CCSER1: variants seen among roughly 807,000 people sequenced by gnomAD.
CCSER1 encodes coiled-coil serine rich protein 1.
A neutral mutation model predicts 82.0 loss-of-function variants in CCSER1; 41 were observed. The ratio of observed to expected loss-of-function variants is 0.50; its 90% CI spans 0.39 to 0.65. The LOEUF (loss-of-function observed/expected upper bound fraction) is 0.65. Ranked by LOEUF, CCSER1 falls within the 30% of genes least tolerant of loss-of-function variation. The probability of loss-of-function intolerance (pLI) is 0.00; values close to 1 mark genes in which losing one functional copy is unlikely to be tolerated. For synonymous variants in CCSER1, 414 were observed against 383.9 expected, an observed-to-expected ratio of 1.08 and a Z score of -0.92; for missense variants, 1,119 against 1,064.2, an observed-to-expected ratio of 1.05 and a Z score of -0.72.
At chr4:91,148,470 C>CTTAT (rs200947996) in intron 10 of CCSER1, among the ~76,000 whole-genome samples, 16,762 of 151,458 alleles carry the variant, frequency 0.11, 1,050 homozygotes, top group East Asian at 0.23. Context: ...ACCAGACATT[C>CTTAT]TTATTTATTT....
At chr4:91,013,395 C>T (rs1739156235) in intron 9 of CCSER1, among the ~76,000 whole-genome samples, 2 of 133,276 alleles carry the variant, frequency 1.5e-5, no homozygotes, top group South Asian at 4.8e-4. Flanking sequence ...AAGTCTATTT[C>T]AACCTTCCCT....
At chr4:91,014,907 A>G (rs1236107051) in intron 9 of CCSER1, among the ~76,000 whole-genome samples, 1 of 85,096 alleles carries the variant, frequency 1.2e-5, no homozygotes, top group Admixed American at 1.1e-4. Flanking sequence ...AGAAACAGAA[A>G]AGTTCAAGTT....
chr4:90,702,052 AG>A (rs1685827015), intron 6 of CCSER1, among the ~76,000 whole-genome samples: 2 of 152,110 alleles, frequency 1.3e-5, no homozygotes. Context: ...GCCTTGTGCC[AG>A]TTTTCAAAGG....
intron 10 of CCSER1, among the ~76,000 whole-genome samples, chr4:91,310,397 T>G (rs887582862): frequency 6.1e-5 from 4 of 65,712 alleles, no homozygotes; most frequent in African/African-American, 1.8e-4. Context: ...CTAAAACCAA[T>G]GCAAAAAAAA....
chr4:91,126,319 C>T (rs141903132), intron 10 of CCSER1, among the ~76,000 whole-genome samples: 2 of 151,910 alleles, frequency 1.3e-5, no homozygotes, highest in East Asian at 3.9e-4. Flanking sequence ...ATAACCTCAA[C>T]AAACAAGGCA....
chr4:91,207,287 G>A (rs990160415), intron 10 of CCSER1, among the ~76,000 whole-genome samples: 12 of 151,766 alleles, frequency 7.9e-5, no homozygotes, highest in African/African-American at 1.7e-4. Flanking sequence ...CTTGGTGTAC[G>A]AATTATTTCA....
intron 8 of CCSER1, among the ~76,000 whole-genome samples, chr4:90,891,119 C>T (rs996813105): frequency 8.6e-5 from 13 of 151,382 alleles, no homozygotes; most frequent in Admixed American, 7.9e-4. Flanking sequence ...AAAATGTAAT[C>T]TATTTTGAGA....
chr4:90,282,671 T>G (rs1355294066), intron 1 of CCSER1, among the ~76,000 whole-genome samples: 11 of 151,954 alleles, frequency 7.2e-5, no homozygotes, highest in African/African-American at 2.7e-4. Context: ...CAGCAGACTT[T>G]GGTTACAAAT....
chr4:90,514,008 C>A (rs545924145), intron 5 of CCSER1, among the ~76,000 whole-genome samples: 157 of 152,132 alleles, frequency 1.0e-3, no homozygotes, highest in African/African-American at 3.3e-3. Flanking sequence ...TTGAGAGAAT[C>A]GTGGGAGAAG....
intron 3 of CCSER1, among the ~76,000 whole-genome samples, chr4:90,386,172 T>C (rs536789864): frequency 1.3e-5 from 2 of 152,240 alleles, no homozygotes; most frequent in South Asian, 4.1e-4. Context: ...AAAATTCATA[T>C]GGAACCAAAA....
intron 5 of CCSER1, among the ~76,000 whole-genome samples, chr4:90,552,661 T>A (rs79491507): frequency 2.0e-5 from 3 of 152,216 alleles, no homozygotes; most frequent in Non-Finnish European, 2.9e-5. Flanking sequence ...TTTGCCGTGT[T>A]GCCCAGGCTG....
At chr4:91,265,973 G>T (rs1741540356) in intron 10 of CCSER1, among the ~76,000 whole-genome samples, 1 of 152,152 alleles carries the variant, frequency 6.6e-6, no homozygotes, top group South Asian at 2.1e-4. Context: ...GCAGCAGCAA[G>T]AGGGAAAGAG....
chr4:90,655,289 T>C (rs1729505848), intron 6 of CCSER1, among the ~76,000 whole-genome samples: 1 of 152,022 alleles, frequency 6.6e-6, no homozygotes, highest in Admixed American at 6.6e-5. Flanking sequence ...TAAATTATCC[T>C]CCTGGTTTGA....
At position 90,474,139 on chromosome 4, in the gene CCSER1, CAA is replaced by C. The variant is rs113535187; in HGVS notation, c.1724+5800_1724+5801del. Among the ~76,000 whole-genome samples the C allele has an allele frequency of 3.6e-3, 371 of 101,984 alleles. 1 individual carries two copies. The highest frequency in any genetic ancestry group is 0.011 in the African/African-American group (325 of 30,430). 66.9% of individuals were successfully genotyped at this position (101,984 alleles called of 152,430 possible). On this transcript the variant is annotated intron_variant, in intron 5 of 10. Transcript: ENST00000509176. ...CTGGTGACAGAGCAAGATTCCCTCT[CAA>C]AAAAAAAAAAAAAATGCAAAAGTGT...
intron 5 of CCSER1, among the ~76,000 whole-genome samples, chr4:90,534,388 C>G (rs904183572): frequency 2.0e-5 from 3 of 151,776 alleles, no homozygotes; most frequent in African/African-American, 2.4e-5. Flanking sequence ...CTCGGCCTCC[C>G]GAAGTGCTGG....
At chr4:90,621,283 T>A (rs1021555718) in intron 5 of CCSER1, among the ~76,000 whole-genome samples, 3 of 152,168 alleles carry the variant, frequency 2.0e-5, no homozygotes, top group Non-Finnish European at 4.4e-5. Context: ...CCCTCCTACC[T>A]CACTCTTTGT....
chr4:90,167,973 C>T (rs903444022), intron 1 of CCSER1, among the ~76,000 whole-genome samples: 4 of 152,190 alleles, frequency 2.6e-5, no homozygotes, highest in African/African-American at 9.6e-5. Flanking sequence ...GATTTATAAT[C>T]CTTTGGGTAT....
At chr4:90,363,116 G>A (rs915098739) in intron 3 of CCSER1, among the ~76,000 whole-genome samples, 1 of 152,026 alleles carries the variant, frequency 6.6e-6, no homozygotes, top group Non-Finnish European at 1.5e-5. Context: ...AGATTATACA[G>A]TAAAATATGG....
At chr4:90,948,876 T>TAACACCTTA (rs1390461032) in intron 9 of CCSER1, among the ~76,000 whole-genome samples, 43 of 151,972 alleles carry the variant, frequency 2.8e-4, no homozygotes, top group Non-Finnish European at 5.4e-4. Context: ...CCTTAGGCTA[T>TAACACCTTA]GAACCATATA....
Sources: gnomAD v4.1 joint callset for allele counts (sites outside exome capture counted in the v4.1 genomes callset) on GRCh38, gnomAD v4.1.1 for gene constraint, MANE v1.5 for transcripts, NCBI Gene and HGNC (gene_info 2026-07-23, HGNC 2026-07-21) for gene names.